RAB11A: variants seen among roughly 807,000 people sequenced by gnomAD.
RAB11A encodes RAB11A, member RAS oncogene family.
A neutral mutation model predicts 28.0 loss-of-function variants in RAB11A; 9 were observed. The observed-to-expected ratio is 0.32, with a 90% CI of 0.19 to 0.56. The LOEUF is 0.56. Ranked by LOEUF, RAB11A falls within the 20% of genes least tolerant of loss-of-function variation. RAB11A has a pLI of 0.91. For missense variants in RAB11A, 108 were observed against 269.6 expected (o/e 0.40, Z 4.20); for synonymous variants, 85 against 88.2 (o/e 0.96, Z 0.20).
chr15:65,890,178 C>T lies in RAB11A; in HGVS notation c.*2338C>T, dbSNP rs1469309371. ...GTTCATGCCATTCTCCTGCCTCAGC[C>T]TCCCGAGTAGCTGGGATTATAGGCG... On this transcript the variant is annotated 3_prime_UTR_variant, in exon 5 of 5. Transcript: ENST00000261890. 1 of 152,170 alleles carries T rather than the reference C, an allele frequency of 6.6e-6. No individual in the cohort carries two copies. The highest frequency in any genetic ancestry group is 1.5e-5 in the Non-Finnish European group (1 of 68,168). 9.4% of individuals were successfully genotyped at this position (152,170 alleles called of 1,614,324 possible).
chr15:65,886,115 G>A (rs2078254339), intron 4 of RAB11A, among the ~76,000 whole-genome samples: 1 of 152,224 alleles, frequency 6.6e-6, no homozygotes, highest in African/African-American at 2.4e-5. Context: ...AGGGAGAGAG[G>A]ATGAGGGGGA....
At chr15:65,882,992 G>A (rs973662924) in intron 4 of RAB11A, among the ~76,000 whole-genome samples, 1 of 151,702 alleles carries the variant, frequency 6.6e-6, no homozygotes, top group Admixed American at 6.6e-5. Flanking sequence ...CTTTCTCTTC[G>A]CTCTAAATAT....
rs1379883668 is a variant in RAB11A at position 65,888,920 on chromosome 15, TA to T, written c.*1081del. On this transcript the variant is annotated 3_prime_UTR_variant, in exon 5 of 5. Transcript: ENST00000261890. ...TCAAGTGGTACCACTTAAAGGCATG[TA>T]TTCTTTTAGTATGTAAAATGAAATA... 8.5e-5 allele frequency: 13 copies of T among 152,672 alleles called. No homozygotes were observed. The highest frequency in any genetic ancestry group is 3.1e-4 in the African/African-American group (13 of 41,468). 9.5% of individuals were successfully genotyped at this position (152,672 alleles called of 1,614,324 possible).
Position 65,877,608 on chromosome 15 carries a change from T to A in RAB11A, c.236+81T>A. The A allele has an allele frequency of 1.4e-6, 2 of 1,423,972 alleles. No homozygotes were observed. The highest frequency in any genetic ancestry group is 1.9e-6 in the Non-Finnish European group (2 of 1,052,826). 88.2% of individuals were successfully genotyped at this position (1,423,972 alleles called of 1,614,324 possible). A position where few individuals can be genotyped will look rare whatever the true frequency, so the allele number is the denominator to read the frequency against. The stretch of plus-strand genomic sequence containing the variant: ...TGACTTTTGGTATTGGAAAAAGAAC[T>A]GTTGTTTTTTTCTTTTAAGAATTCT... On this transcript the variant is annotated intron_variant, in intron 2 of 4. Coordinates refer to ENST00000261890, the MANE Select transcript of RAB11A (RefSeq NM_004663.5). The surrounding 1 kb of genome is among the most constrained non-coding windows in gnomAD (Gnocchi z 4.1).
chr15:65,885,155 A>G (rs2078248662), intron 4 of RAB11A, among the ~76,000 whole-genome samples: 1 of 139,598 alleles, frequency 7.2e-6, no homozygotes, highest in Non-Finnish European at 1.5e-5. Context: ...TTTTTTTGAG[A>G]CAGTGTGCTC....
At chr15:65,869,982 C>T (rs897246042) in intron 1 of RAB11A, 1 of 209,904 alleles carries the variant, frequency 4.8e-6, no homozygotes, top group Admixed American at 5.7e-5. Flanking sequence ...CGCCCCCTCC[C>T]CCTCGGCGTA....
chr15:65,875,578 C>G (rs1043243679), intron 1 of RAB11A, among the ~76,000 whole-genome samples: 1 of 152,230 alleles, frequency 6.6e-6, no homozygotes, highest in South Asian at 2.1e-4. Flanking sequence ...TTGACACCCT[C>G]TAGTTGACTC....
At chr15:65,885,706 T>C (rs1470323080) in intron 4 of RAB11A, among the ~76,000 whole-genome samples, 4 of 152,190 alleles carry the variant, frequency 2.6e-5, no homozygotes, top group Non-Finnish European at 5.9e-5. Context: ...TTGTAGGAGA[T>C]CTAAATAGAA....
Position 65,869,535 on chromosome 15 carries a change from G to C in RAB11A, c.-51G>C. The C allele has an allele frequency of 6.3e-7, 1 of 1,599,172 alleles. No homozygotes were observed. Among genetic ancestry groups the C allele is most frequent in the African/African-American group, 1.3e-5 (1 of 74,848 alleles). ...GGTTACCCCTGCAGCGACGCCCCCTGGTCCCACAGATACCACTGCTGCTCC... is the reference window on the plus strand; with the variant it reads ...GGTTACCCCTGCAGCGACGCCCCCTCGTCCCACAGATACCACTGCTGCTCC... On this transcript the variant is annotated 5_prime_UTR_variant, in exon 1 of 5. Transcript: ENST00000261890.
intron 1 of RAB11A, among the ~76,000 whole-genome samples, chr15:65,874,650 C>T (rs1036508620): frequency 6.6e-6 from 1 of 152,028 alleles, no homozygotes; most frequent in Non-Finnish European, 1.5e-5. Flanking sequence ...GAAAAGTTCC[C>T]TTGCTATCTT....
Position 65,869,499 on chromosome 15 carries a change from C to A in RAB11A, c.-87C>A. Reference sequence around the variant, plus strand: ...TCTTCACCCAGTCCGGCAGTTGAAGCTCGGCGCTCGGGTTACCCCTGCAGC... The same window carrying A: ...TCTTCACCCAGTCCGGCAGTTGAAGATCGGCGCTCGGGTTACCCCTGCAGC... On this transcript the variant is annotated 5_prime_UTR_variant, in exon 1 of 5. Coordinates refer to ENST00000261890, the MANE Select transcript of RAB11A (RefSeq NM_004663.5). The A allele has an allele frequency of 6.5e-7, 1 of 1,536,276 alleles. No homozygotes were observed. The highest frequency in any genetic ancestry group is 1.2e-5 in the South Asian group (1 of 83,680).
At chr15:65,887,373 A>G (rs999134512) in intron 4 of RAB11A, among the ~76,000 whole-genome samples, 2 of 152,126 alleles carry the variant, frequency 1.3e-5, no homozygotes, top group Admixed American at 6.5e-5. Context: ...GGGTTTCACC[A>G]TGTTGGTCAG....
chr15:65,887,270 T>G (rs922228310), intron 4 of RAB11A, among the ~76,000 whole-genome samples: 4 of 151,414 alleles, frequency 2.6e-5, no homozygotes, highest in South Asian at 2.1e-4. Context: ...GCCTCCCGGG[T>G]TCAAGTGATT....
intron 1 of RAB11A, among the ~76,000 whole-genome samples, chr15:65,871,206 G>C (rs2078159063): frequency 6.6e-6 from 1 of 152,156 alleles, no homozygotes; most frequent in Non-Finnish European, 1.5e-5. Context: ...ATACTAACTA[G>C]TCTGCTGTTA....
intron 1 of RAB11A, among the ~76,000 whole-genome samples, chr15:65,876,777 A>G (rs935883233): frequency 6.6e-6 from 1 of 152,158 alleles, no homozygotes; most frequent in Admixed American, 6.5e-5. Context: ...TATAAACCCT[A>G]TGCCTCATAT....
chr15:65,874,456 G>T (rs540526890), intron 1 of RAB11A, among the ~76,000 whole-genome samples: 149 of 152,160 alleles, frequency 9.8e-4, no homozygotes, highest in African/African-American at 3.4e-3. Context: ...GGTCAGGCTG[G>T]TCTCAAACTC....
intron 1 of RAB11A, among the ~76,000 whole-genome samples, chr15:65,870,376 G>A (rs1029322755): frequency 6.6e-6 from 1 of 152,216 alleles, no homozygotes; most frequent in African/African-American, 2.4e-5. Context: ...TGGTGGGAGG[G>A]AGGGTAAGAG....
chr15:65,871,485 G>T (rs1253948716), intron 1 of RAB11A, among the ~76,000 whole-genome samples: 1 of 152,268 alleles, frequency 6.6e-6, no homozygotes, highest in Non-Finnish European at 1.5e-5. Context: ...TATAATGGTA[G>T]TGTGCTTTTA....
intron 4 of RAB11A, among the ~76,000 whole-genome samples, chr15:65,882,732 T>C (rs1337476575): frequency 6.6e-6 from 1 of 152,216 alleles, no homozygotes; most frequent in Admixed American, 6.5e-5. Flanking sequence ...GGTATTTTTT[T>C]AGAGGTAGTT....
Sources: allele counts gnomAD v4.1 joint callset (sites outside exome capture counted in the v4.1 genomes callset), GRCh38; gene constraint gnomAD v4.1.1; non-coding constraint Gnocchi (gnomAD v3.1); transcripts MANE v1.5; gene names NCBI Gene and HGNC (gene_info 2026-07-23, HGNC 2026-07-21).